The following CYRIB variants were observed in gnomAD, a reference collection of about 807,000 sequenced individuals.
CYRIB encodes the protein CYFIP related Rac1 interactor B, also known as CYFIP-related Rac1 interactor B.
CYRIB carries 8 observed loss-of-function variants against 44.2 expected under a neutral mutation model. The observed-to-expected ratio is 0.18, with a 90% CI of 0.11 to 0.33. The LOEUF is 0.33. Ranked by LOEUF, CYRIB falls within the 10% of genes least tolerant of loss-of-function variation. CYRIB has a pLI of 1.00. For missense variants in CYRIB, 185 were observed against 382.8 expected (o/e 0.48, Z 4.31); for synonymous variants, 131 against 127.2 (o/e 1.03, Z -0.20).
At chr8:129,911,216 T>G (rs990478782) in intron 1 of CYRIB, among the ~76,000 whole-genome samples, 1 of 152,200 alleles carries the variant, frequency 6.6e-6, no homozygotes, top group Non-Finnish European at 1.5e-5. Context: ...ATATTTCACA[T>G]AAGCCTGTGA....
chr8:129,916,925 C>T (rs547879257), intron 1 of CYRIB, among the ~76,000 whole-genome samples: 13 of 152,216 alleles, frequency 8.5e-5, no homozygotes, highest in Non-Finnish European at 1.5e-4. Context: ...AATCCTAGTT[C>T]TGACAATTAC....
chr8:129,981,308 TTTTG>T (rs1289490681), intron 1 of CYRIB, among the ~76,000 whole-genome samples: 1 of 151,994 alleles, frequency 6.6e-6, no homozygotes, highest in African/African-American at 2.4e-5. Flanking sequence ...CCTTGCTAAT[TTTTG>T]TTTGTTGGTT....
At chr8:129,990,461 G>GGT (rs373091317) in intron 1 of CYRIB, among the ~76,000 whole-genome samples, 2,471 of 150,052 alleles carry the variant, frequency 0.016, 31 homozygotes, top group Non-Finnish European at 0.025. Context: ...AGAACAATAC[G>GGT]GTGTGTGTGT....
chr8:129,927,040 T>C (rs560799385), intron 1 of CYRIB, among the ~76,000 whole-genome samples: 4 of 152,290 alleles, frequency 2.6e-5, no homozygotes, highest in East Asian at 1.9e-4. Flanking sequence ...CCCAGCACTT[T>C]GGGAGGCCGA....
chr8:129,972,166 A>G (rs1405372290), intron 1 of CYRIB, among the ~76,000 whole-genome samples: 1 of 152,206 alleles, frequency 6.6e-6, no homozygotes, highest in Non-Finnish European at 1.5e-5. Flanking sequence ...AATTTCAGCC[A>G]CTTCGGCTGC....
At chr8:130,011,657 A>G (rs563410388) in intron 1 of CYRIB, among the ~76,000 whole-genome samples, 1 of 149,364 alleles carries the variant, frequency 6.7e-6, no homozygotes, top group East Asian at 1.9e-4. Context: ...CTCTACTAAA[A>G]ATACAAAAAA....
intron 5 of CYRIB, among the ~76,000 whole-genome samples, chr8:129,858,265 C>T (rs1448634382): frequency 2.6e-5 from 4 of 152,164 alleles, no homozygotes; most frequent in African/African-American, 9.7e-5. Context: ...TCAGATGAAG[C>T]TCCTAAAACA....
At chr8:129,991,486 CT>C (rs1267076423) in intron 1 of CYRIB, among the ~76,000 whole-genome samples, 1 of 151,990 alleles carries the variant, frequency 6.6e-6, no homozygotes, top group Non-Finnish European at 1.5e-5. Flanking sequence ...CAACTGGTGG[CT>C]GTATAAGAAG....
rs2061741223 is a variant in CYRIB, at chr8:129,883,960, A to G, written c.-10-4489T>C. 5.3e-5 allele frequency among the ~76,000 whole-genome samples: 8 copies of G among 152,326 alleles called. 1 individual carries two copies. In the South Asian group the frequency reaches 1.7e-3, roughly 32 times the overall value. On this transcript the variant is annotated intron_variant, in intron 2 of 11. Coordinates refer to ENST00000519824, the Ensembl canonical transcript of CYRIB. ...TAGGGGCTCTGTTCCCAGCAGCAGA[A>G]CTTATGGAATGTGAGGCGTGGGCGG...
chr8:130,014,100 G>T (rs187917651), intron 1 of CYRIB, among the ~76,000 whole-genome samples: 152 of 152,254 alleles, frequency 1.0e-3, no homozygotes, highest in African/African-American at 3.1e-3. Flanking sequence ...GAGAACCCTA[G>T]CTCTCCTTTA....
At chr8:129,849,438 A>ACACAC in intron 9 of CYRIB, 69 bp from the exon 12 acceptor site, 1 of 1,417,462 alleles carries the variant, frequency 7.1e-7, no homozygotes, top group Non-Finnish European at 9.5e-7. Context: ...ACACACACAC[A>ACACAC]AGAAAAACCT....
intron 2 of CYRIB, among the ~76,000 whole-genome samples, chr8:129,897,660 G>A (rs2068761422): frequency 1.3e-5 from 2 of 151,064 alleles, no homozygotes; most frequent in Non-Finnish European, 2.9e-5. Context: ...GAGAGGCATG[G>A]TGGGCGGCTA....
At chr8:129,990,397 G>C (rs2096599080) in intron 1 of CYRIB, among the ~76,000 whole-genome samples, 1 of 151,960 alleles carries the variant, frequency 6.6e-6, no homozygotes, top group South Asian at 2.1e-4. Flanking sequence ...GTAAATGACT[G>C]GTATATACGT....
chr8:129,851,849 GT>G, intron 8 of CYRIB: 1 of 229,022 alleles, frequency 4.4e-6, no homozygotes, highest in Non-Finnish European at 8.4e-6. Context: ...TAAGTTGTAA[GT>G]TTTTGCCTGC....
intron 1 of CYRIB, among the ~76,000 whole-genome samples, chr8:129,991,857 A>C (rs2096639882): frequency 6.9e-6 from 1 of 144,696 alleles, no homozygotes; most frequent in Admixed American, 7.1e-5. Flanking sequence ...AGGCTAAGGC[A>C]GGAGAATCGC....
At position 129,949,820 on chromosome 8, in the gene CYRIB, T is replaced by C. The variant is rs184386663; in HGVS notation, c.-243+21123A>G. 5.8e-4 allele frequency among the ~76,000 whole-genome samples: 88 copies of C among 152,026 alleles called. No homozygotes were observed. The South Asian group carries it at 0.011, about 19-fold the overall frequency. On this transcript the variant is annotated intron_variant, in intron 2 of 14. Coordinates refer to the CYRIB transcript ENST00000401979. ...TTGAACCCAGGGGGCAGAGGTTGAT[T>C]GCGCCATTGCACTCCAGCCTGGGCA...
chr8:129,922,818 G>A lies in CYRIB; in HGVS notation c.-50+16790C>T, dbSNP rs952664548. On this transcript the variant is annotated intron_variant, in intron 1 of 11. Coordinates refer to ENST00000519824, the Ensembl canonical transcript of CYRIB. ...GCGGAGTTTGCAGTGAGCCGAGATCGCACCACTGCACTCCAGCCTGGGCGA... is the reference window on the plus strand; with the variant it reads ...GCGGAGTTTGCAGTGAGCCGAGATCACACCACTGCACTCCAGCCTGGGCGA... Among the ~76,000 whole-genome samples the A allele has an allele frequency of 4.0e-5, 6 of 150,984 alleles. No homozygotes were observed. The South Asian group carries it at 6.3e-4, about 16-fold the overall frequency.
At chr8:130,008,895 G>C (rs111396287) in intron 1 of CYRIB, among the ~76,000 whole-genome samples, 118 of 152,274 alleles carry the variant, frequency 7.7e-4, no homozygotes, top group African/African-American at 2.7e-3. Context: ...CTCTGGTTTT[G>C]AGCAAAGCTG....
intron 1 of CYRIB, among the ~76,000 whole-genome samples, chr8:129,982,575 T>C (rs945852459): frequency 6.6e-6 from 1 of 152,204 alleles, no homozygotes; most frequent in African/African-American, 2.4e-5. Context: ...ATACAGCACT[T>C]CTTAGGGAAT....
Sources: gnomAD v4.1 joint callset for allele counts (sites outside exome capture counted in the v4.1 genomes callset) on GRCh38, gnomAD v4.1.1 for gene constraint, MANE v1.5 for transcripts, NCBI Gene and HGNC (gene_info 2026-07-23, HGNC 2026-07-21) for gene names.